Variants in HMGN3 observed in about 807,000 individuals in gnomAD.
HMGN3 encodes high mobility group nucleosome-binding domain-containing protein 3.
In HMGN3, 6 loss-of-function variants were observed where a neutral mutation model predicts 18.8. That is an observed-to-expected ratio of 0.32 (90% CI 0.18 to 0.63). HMGN3 has a LOEUF of 0.63. Ranked by LOEUF, HMGN3 falls within the 30% of genes least tolerant of loss-of-function variation. HMGN3 has a pLI of 0.79. For synonymous variants in HMGN3, 40 were observed against 36.5 expected (o/e 1.10, Z -0.35); for missense variants, 107 against 114.2 (o/e 0.94, Z 0.29).
chr6:79,229,747 G>A (rs1048355453), intron 1 of HMGN3, among the ~76,000 whole-genome samples: 2 of 151,948 alleles, frequency 1.3e-5, no homozygotes, highest in South Asian at 4.2e-4. Context: ...GCGTAGTGGC[G>A]GGCGCCTGTA....
At chr6:79,211,011 C>CAAAAAAAA (rs59749044) in intron 2 of HMGN3, among the ~76,000 whole-genome samples, 2 of 89,710 alleles carry the variant, frequency 2.2e-5, no homozygotes, top group Non-Finnish European at 4.2e-5. Flanking sequence ...GAAATTAATG[C>CAAAAAAAA]AAAAAAAAAA....
intron 3 of HMGN3, 76 bp downstream of exon 3, chr6:79,208,471 C>T (rs1195162338): frequency 8.2e-7 from 1 of 1,215,632 alleles, no homozygotes; most frequent in Non-Finnish European, 1.2e-6. Context: ...GTTAATCTTC[C>T]TTTTGCTGCT....
At chr6:79,217,140 G>A (rs978824100) in intron 1 of HMGN3, among the ~76,000 whole-genome samples, 1 of 152,188 alleles carries the variant, frequency 6.6e-6, no homozygotes, top group Non-Finnish European at 1.5e-5. Flanking sequence ...CTGAAAATGT[G>A]AATGCCTTCA....
At chr6:79,219,694 TTTTA>T (rs1343065629) in intron 1 of HMGN3, among the ~76,000 whole-genome samples, 72 of 152,228 alleles carry the variant, frequency 4.7e-4, no homozygotes, top group East Asian at 3.9e-3. Flanking sequence ...AATTTTAATA[TTTTA>T]TTTAACTGAC....
intron 4 of HMGN3, 48 bp downstream of exon 4, chr6:79,203,532 A>G (rs767277495): frequency 2.8e-6 from 4 of 1,424,566 alleles, no homozygotes; most frequent in Admixed American, 3.4e-5. Context: ...GGGAATTATA[A>G]TTTATTCATT....
exon 4 of HMGN3, chr6:79,203,596 C>A: frequency 6.2e-7 from 1 of 1,611,856 alleles, no homozygotes; most frequent in Non-Finnish European, 8.5e-7. Flanking sequence ...AGATGTTTTT[C>A]TTGGTTTGGG....
intron 1 of HMGN3, among the ~76,000 whole-genome samples, chr6:79,228,015 G>C (rs914869322): frequency 4.6e-5 from 7 of 152,142 alleles, no homozygotes; most frequent in Non-Finnish European, 1.0e-4. Flanking sequence ...CATGGCGCCA[G>C]ACAACTTCTG....
chr6:79,230,362 G>C (rs930211897), intron 1 of HMGN3, among the ~76,000 whole-genome samples: 1 of 152,146 alleles, frequency 6.6e-6, no homozygotes, highest in African/African-American at 2.4e-5. Context: ...GACAATGGTT[G>C]CGCAACTCTA....
intron 1 of HMGN3, among the ~76,000 whole-genome samples, chr6:79,219,546 C>T (rs1035953210): frequency 6.6e-6 from 1 of 152,072 alleles, no homozygotes; most frequent in Non-Finnish European, 1.5e-5. Flanking sequence ...TAATTAACCA[C>T]TAATCGTAAA....
chr6:79,219,940 C>T (rs1029426338), intron 1 of HMGN3, among the ~76,000 whole-genome samples: 3 of 152,148 alleles, frequency 2.0e-5, no homozygotes, highest in Non-Finnish European at 2.9e-5. Context: ...ATTTACCAAT[C>T]GCTGATTCTA....
intron 1 of HMGN3, among the ~76,000 whole-genome samples, chr6:79,232,867 A>T (rs1777921727): frequency 6.6e-6 from 1 of 152,216 alleles, no homozygotes. Context: ...TTTCCAATCC[A>T]TCATTAACCC....
intron 3 of HMGN3, among the ~76,000 whole-genome samples, chr6:79,207,775 C>A (rs1776491225): frequency 6.6e-6 from 1 of 152,098 alleles, no homozygotes; most frequent in Non-Finnish European, 1.5e-5. Flanking sequence ...ACCAAAGTAG[C>A]ATGAAGCTTC....
intron 2 of HMGN3, among the ~76,000 whole-genome samples, chr6:79,213,127 G>A (rs1776783803): frequency 1.3e-5 from 2 of 151,776 alleles, no homozygotes; most frequent in African/African-American, 4.8e-5. Context: ...TACAGTCCCA[G>A]CCACTTGGAG....
chr6:79,204,423 C>T (rs1293086295), intron 3 of HMGN3, among the ~76,000 whole-genome samples: 2 of 152,228 alleles, frequency 1.3e-5, no homozygotes, highest in African/African-American at 2.4e-5. Flanking sequence ...CTCTGCCACA[C>T]AATGCTTCAG....
rs771471270 is a variant in HMGN3 at position 79,227,890 on chromosome 6, G to T, written c.15+6656C>A. Among the ~76,000 whole-genome samples, 38 of 152,288 alleles carry T rather than the reference G, an allele frequency of 2.5e-4. 1 individual carries two copies. The highest frequency in any genetic ancestry group is 4.7e-4 in the Non-Finnish European group (32 of 68,016). ...ACTACCTGTGCTAGGTGCTATGGGG[G>T]ATGAAAGGAAGATCAGAGCCATGAA... On this transcript the variant is annotated intron_variant, in intron 1 of 5. Coordinates refer to ENST00000344726, the Ensembl canonical transcript of HMGN3.
intron 2 of HMGN3, among the ~76,000 whole-genome samples, chr6:79,209,258 T>G (rs2127818355): frequency 6.6e-6 from 1 of 152,356 alleles, no homozygotes; most frequent in Admixed American, 6.5e-5. Flanking sequence ...GGGAAATCTT[T>G]TTTTCTTCAA....
intron 2 of HMGN3, among the ~76,000 whole-genome samples, chr6:79,209,524 T>C (rs2127818655): frequency 6.6e-6 from 1 of 152,312 alleles, no homozygotes; most frequent in Non-Finnish European, 1.5e-5. Flanking sequence ...GGCCAACATA[T>C]AGTACAAACT....
In HMGN3 at chr6:79,203,567, C is replaced by G; in HGVS notation, c.147+13G>C. Reference sequence around the variant, plus strand: ...TGTTTAAAAAGCCAAAAGTGGGAAACAGCACTTCTTACCTTAGCAGATGTT... The same window carrying G: ...TGTTTAAAAAGCCAAAAGTGGGAAAGAGCACTTCTTACCTTAGCAGATGTT... On this transcript the variant is annotated intron_variant, in intron 4 of 5. Transcript: ENST00000344726. The G allele has an allele frequency of 6.2e-7, 1 of 1,609,164 alleles. No homozygotes were observed. The highest frequency in any genetic ancestry group is 8.5e-7 in the Non-Finnish European group (1 of 1,176,228).
rs113769332 is a variant in HMGN3, at chr6:79,224,315, G to A, written c.16-9293C>T. On this transcript the variant is annotated intron_variant, in intron 1 of 5. Transcript: ENST00000344726. Reference sequence around the variant, plus strand: ...GTTCTTAATTTCAAAACTGGGTGCAGATCTGGGATTCTAGAAGAGCAAAAG... The same window carrying A: ...GTTCTTAATTTCAAAACTGGGTGCAAATCTGGGATTCTAGAAGAGCAAAAG... Among the ~76,000 whole-genome samples, 290 of 152,262 alleles carry A rather than the reference G, an allele frequency of 1.9e-3. 1 individual carries two copies. The Middle Eastern group carries it at 0.031, about 16-fold the overall frequency.
Sources: gnomAD v4.1 joint callset for allele counts (sites outside exome capture counted in the v4.1 genomes callset) on GRCh38, gnomAD v4.1.1 for gene constraint, MANE v1.5 for transcripts, NCBI Gene and HGNC (gene_info 2026-07-23, HGNC 2026-07-21) for gene names.